Variants in ODAD3 observed in about 807,000 individuals in gnomAD.
The protein encoded by ODAD3 is outer dynein arm docking complex subunit 3, also known as outer dynein arm-docking complex subunit 3.
ODAD3 carries 57 observed loss-of-function variants against 70.9 expected under a neutral mutation model. The observed-to-expected ratio is 0.80, with a 90% CI of 0.65 to 1.00. The LOEUF (loss-of-function observed/expected upper bound fraction) is 1.00. Among genes scored for constraint, ODAD3 ranks in the 50% least tolerant of loss-of-function variants. The pLI is 0.00. For synonymous variants in ODAD3, 327 were observed against 315.9 expected (o/e 1.04, Z -0.37); for missense variants, 797 against 763.9 (o/e 1.04, Z -0.51).
In ODAD3 at chr19:11,426,803, G is replaced by C; in HGVS notation, c.613-19C>G. The C allele has an allele frequency of 1.2e-6, 2 of 1,613,700 alleles. No individual in the cohort carries two copies. Among genetic ancestry groups the C allele is most frequent in the South Asian group, 1.1e-5 (1 of 91,088 alleles). On this transcript the variant is annotated intron_variant, in intron 4 of 12. Transcript: ENST00000356392. ...GCATGGTCTGGAGAGCAGCAGGGCT[G>C]GGCTGAGGGCCCTCCGCACTCAATC... is the stretch of plus-strand genomic sequence containing the variant.
In ODAD3 at chr19:11,435,077, T is replaced by A; in HGVS notation, c.-61A>T. On this transcript the variant is annotated 5_prime_UTR_variant, in exon 1 of 13. Coordinates refer to ENST00000356392, the MANE Select transcript of ODAD3 (RefSeq NM_145045.5). ...GGGATAACTAGGAGTCAGTCGCCCC[T>A]GTCAGGGATCCGTCAGCTCGGATTC... 1 of 1,535,276 alleles carries A rather than the reference T, an allele frequency of 6.5e-7. No individual in the cohort carries two copies. Among genetic ancestry groups the A allele is most frequent in the Non-Finnish European group, 8.7e-7 (1 of 1,145,686 alleles).
rs1282482289 is a variant in ODAD3 at position 11,422,910 on chromosome 19, G to A, written c.1117-49C>T. 6 of 1,574,432 alleles carry A rather than the reference G, an allele frequency of 3.8e-6. No homozygotes were observed. The highest frequency in any genetic ancestry group is 5.2e-6 in the Non-Finnish European group (6 of 1,164,312). On this transcript the variant is annotated intron_variant, in intron 8 of 12. Coordinates refer to ENST00000356392, the MANE Select transcript of ODAD3 (RefSeq NM_145045.5). The surrounding 1 kb of genome is among the most constrained non-coding windows in gnomAD (Gnocchi z 4.6). ...AGAGCCAGGGCCTAGGGAGCGTAGG[G>A]GCGCTCCACCTCCTCTCCCCCACCC...
intron 7 of ODAD3, 96 bp downstream of exon 7, chr19:11,426,048 A>T (rs1431158456): frequency 2.7e-6 from 4 of 1,469,804 alleles, no homozygotes; most frequent in East Asian, 4.8e-5. Context: ...AGAAACAGAA[A>T]ATGGGAGAAG....
chr19:11,420,651 C>T lies in ODAD3; in HGVS notation c.*184G>A. 1 of 606,256 alleles carries T rather than the reference C, an allele frequency of 1.6e-6. No homozygotes were observed. The highest frequency in any genetic ancestry group is 2.9e-6 in the Non-Finnish European group (1 of 342,098). The allele number at this position is 606,256 out of a possible 1,614,324, so 37.6% of individuals were successfully genotyped here. On this transcript the variant is annotated 3_prime_UTR_variant, in exon 13 of 13. Coordinates refer to ENST00000356392, the MANE Select transcript of ODAD3 (RefSeq NM_145045.5). ...CGCAACTCTGAGGCCGGGGCGGACC[C>T]AGCTGGGGAGATTTACTGTGGGAAC...
At chr19:11,425,075 ATG>A (rs1218276965) in intron 7 of ODAD3, among the ~76,000 whole-genome samples, 1 of 135,216 alleles carries the variant, frequency 7.4e-6, no homozygotes, top group Non-Finnish European at 1.5e-5. Flanking sequence ...ATATATGTAT[ATG>A]TGTATATGTA....
chr19:11,426,228 C>T lies in ODAD3; in HGVS notation c.879G>A (p.Glu293=). Residue 293 remains glutamate (E), a synonymous_variant, in exon 7 of 13, where the codon GAG becomes GAA. Transcript: ENST00000356392. ...TTATGTAGCGTTCCCGCTTCTTGCG[C>T]TCTCGAACCAAGGTCTCCTCTAGGT... ...LQYLEETLVR[E]RKKRERYISE... 6.2e-7 allele frequency: 1 copy of T among 1,613,974 alleles called. No individual in the cohort carries two copies. The highest frequency in any genetic ancestry group is 8.5e-7 in the Non-Finnish European group (1 of 1,179,950).
upstream of ODAD3, chr19:11,435,341 C>G (rs539066208): frequency 3.5e-6 from 2 of 572,558 alleles, no homozygotes; most frequent in South Asian, 4.1e-5. Flanking sequence ...CGTGCTCATT[C>G]CGTTTCCCTA....
rs1969631294 is a variant in ODAD3 at position 11,434,981 on chromosome 19, G to T, written c.36C>A (p.Asn12Lys). The change falls in exon 1 of 13, where the codon AAC becomes AAA. Residue 12 changes from asparagine to lysine, a missense_variant. By Grantham distance (94) the Asn-to-Lys change is moderately conservative. Coordinates refer to ENST00000356392, the MANE Select transcript of ODAD3 (RefSeq NM_145045.5). ...AAGCCTGGTCCTGAGGAGGCAGGGC[G>T]TTGGCGGAGGCCGCCCTGCACAGAG... ...TSPLCRAASA[N>K]ALPPQDQAST... is the part of the protein sequence containing the mutation. 1 of 1,613,006 alleles carries T rather than the reference G, an allele frequency of 6.2e-7. No homozygotes were observed. The highest frequency in any genetic ancestry group is 1.7e-5 in the Admixed American group (1 of 60,012).
intron 8 of ODAD3, 149 bp downstream of exon 8, chr19:11,423,728 T>C: frequency 1.3e-6 from 1 of 769,784 alleles, no homozygotes; most frequent in Non-Finnish European, 2.0e-6. Flanking sequence ...GAAGGGATGT[T>C]TTTCAAGAAA....
At chr19:11,428,079 G>A (rs1376106419) in intron 3 of ODAD3, among the ~76,000 whole-genome samples, 4 of 150,522 alleles carry the variant, frequency 2.7e-5, no homozygotes, top group Admixed American at 6.6e-5. Flanking sequence ...CATACTGGGC[G>A]ACAGTGCGAG....
intron 7 of ODAD3, 76 bp from the exon 8 acceptor site, chr19:11,424,105 A>G: frequency 6.5e-7 from 1 of 1,533,046 alleles, no homozygotes; most frequent in Non-Finnish European, 8.8e-7. Context: ...AGGGGGATCC[A>G]GATAGGGGCC....
In ODAD3 at chr19:11,434,946, G is replaced by A. The variant is rs771969433; in HGVS notation, c.71C>T (p.Ser24Phe). ...AGCCTCCCTGCCCTTGACCCTGGAA[G>A]AGGGCGTCGAAGCCTGGTCCTGAGG... ...LPPQDQASTP[S>F]SRVKGREASG... is the part of the protein sequence containing the mutation. Residue 24 changes from serine (S) to phenylalanine (F), a missense_variant, in exon 1 of 13, where the codon TCT (serine) becomes TTT (phenylalanine). Coordinates refer to ENST00000356392, the MANE Select transcript of ODAD3 (RefSeq NM_145045.5). 4.3e-6 allele frequency: 7 copies of A among 1,613,968 alleles called. No homozygotes were observed. The Admixed American group carries it at 1.2e-4, about 27-fold the overall frequency.
chr19:11,430,005 C>T (rs1191611990), intron 3 of ODAD3, among the ~76,000 whole-genome samples: 2 of 151,450 alleles, frequency 1.3e-5, no homozygotes, highest in Admixed American at 6.6e-5. Context: ...TCATTGTTTT[C>T]GTTTGTTTGT....
At chr19:11,423,677 C>T (rs1050190970) in intron 8 of ODAD3, among the ~76,000 whole-genome samples, 200 bp downstream of exon 8, 1 of 152,014 alleles carries the variant, frequency 6.6e-6, no homozygotes, top group African/African-American at 2.4e-5. Context: ...AGGGGTTTTG[C>T]TGCGAAGGGC....
Position 11,420,904 on chromosome 19 carries a change from T to G in ODAD3, c.1719A>C (p.Ala573=). Residue 573 remains alanine, a synonymous_variant, in exon 13 of 13, where the codon GCA becomes GCC. Coordinates refer to ENST00000356392, the MANE Select transcript of ODAD3 (RefSeq NM_145045.5). ...EEEDNEVVTR[A]SLKIRSQKLI... is the part of the protein sequence containing the mutation. Reference sequence around the variant, plus strand: ...ATTTCTGGGAACGGATCTTGAGTGATGCGCGGGTCACTACCTCGTTGTCCT... The same window carrying G: ...ATTTCTGGGAACGGATCTTGAGTGAGGCGCGGGTCACTACCTCGTTGTCCT... The G allele has an allele frequency of 6.2e-7, 1 of 1,612,708 alleles. No homozygotes were observed. The highest frequency in any genetic ancestry group is 8.5e-7 in the Non-Finnish European group (1 of 1,179,484).
Position 11,422,402 on chromosome 19 carries a change from C to T in ODAD3, c.1434+69G>A. On this transcript the variant is annotated intron_variant, in intron 10 of 12. Coordinates refer to ENST00000356392, the MANE Select transcript of ODAD3 (RefSeq NM_145045.5). The surrounding 1 kb of genome is among the most constrained non-coding windows in gnomAD (Gnocchi z 4.6). ...CTCGGGCAAGCTGGTGTGGCAGGAA[C>T]CCCGCTTCGTGGCTGCGCCTCTGCG... The T allele has an allele frequency of 1.4e-6, 2 of 1,457,676 alleles. No individual in the cohort carries two copies. The highest frequency in any genetic ancestry group is 2.8e-5 in the South Asian group (2 of 71,046). 90.3% of individuals were successfully genotyped at this position (1,457,676 alleles called of 1,614,324 possible).
intron 8 of ODAD3, 95 bp downstream of exon 8, chr19:11,423,782 A>G: frequency 7.9e-7 from 1 of 1,272,150 alleles, no homozygotes; most frequent in Non-Finnish European, 1.1e-6. Context: ...CAGAGAGGGG[A>G]GACAGGGTGT....
In ODAD3 at chr19:11,422,899, G is replaced by C. The variant is rs1969175507; in HGVS notation, c.1117-38C>G. 2 of 1,581,538 alleles carry C rather than the reference G, an allele frequency of 1.3e-6. No individual in the cohort carries two copies. The highest frequency in any genetic ancestry group is 2.2e-5 in the South Asian group (2 of 90,048). On this transcript the variant is annotated intron_variant, in intron 8 of 12. Coordinates refer to ENST00000356392, the MANE Select transcript of ODAD3 (RefSeq NM_145045.5). The surrounding 1 kb of genome is among the most constrained non-coding windows in gnomAD (Gnocchi z 4.6). ...CAGCCCCAGTCAGAGCCAGGGCCTA[G>C]GGAGCGTAGGGGCGCTCCACCTCCT...
At chr19:11,431,154 C>G in intron 1 of ODAD3, 134 bp from the exon 2 acceptor site, 2 of 1,171,858 alleles carry the variant, frequency 1.7e-6, no homozygotes, top group Non-Finnish European at 2.4e-6. Context: ...TCTTGTTGCC[C>G]AGGCTGCAGT....
Sources: gnomAD v4.1 joint callset for allele counts (sites outside exome capture counted in the v4.1 genomes callset) on GRCh38, gnomAD v4.1.1 for gene constraint, Gnocchi (gnomAD v3.1) non-coding constraint, MANE v1.5 for transcripts, NCBI Gene and HGNC (gene_info 2026-07-23, HGNC 2026-07-21) for gene names.